Variants in ADAMTSL3 observed in about 807,000 individuals in gnomAD.
ADAMTSL3 encodes ADAMTS-like protein 3.
In ADAMTSL3, 128 loss-of-function variants were observed where a neutral mutation model predicts 201.7. That is an observed-to-expected ratio of 0.63 (90% CI 0.55 to 0.73). The LOEUF is 0.73. Ranked by LOEUF, ADAMTSL3 falls within the 30% of genes least tolerant of loss-of-function variation. The pLI is 0.00. For synonymous variants in ADAMTSL3, 738 were observed against 748.4 expected, an observed-to-expected ratio of 0.99 and a Z score of 0.23; for missense variants, 1,990 against 2,119.6, an observed-to-expected ratio of 0.94 and a Z score of 1.20.
At chr15:83,992,778 A>G (rs955540089) in intron 23 of ADAMTSL3, among the ~76,000 whole-genome samples, 1 of 152,186 alleles carries the variant, frequency 6.6e-6, no homozygotes, top group Non-Finnish European at 1.5e-5. Context: ...AAACTCATCT[A>G]GTTTTATTCT....
At chr15:84,032,585 G>T (rs934791559) in intron 28 of ADAMTSL3, among the ~76,000 whole-genome samples, 3 of 152,022 alleles carry the variant, frequency 2.0e-5, no homozygotes, top group Non-Finnish European at 4.4e-5. Context: ...ATACATACAT[G>T]GGTCACATAC....
At chr15:83,688,054 C>T (rs967294405) in intron 2 of ADAMTSL3, among the ~76,000 whole-genome samples, 25 of 152,054 alleles carry the variant, frequency 1.6e-4, no homozygotes, top group Middle Eastern at 3.2e-3. Context: ...GAAGCCTTAA[C>T]GTTCAAACAA....
chr15:83,798,029 A>G (rs1023595858), intron 4 of ADAMTSL3, among the ~76,000 whole-genome samples: 3 of 152,236 alleles, frequency 2.0e-5, no homozygotes, highest in Admixed American at 2.0e-4. Flanking sequence ...GGATTCCTAC[A>G]GATCTCTAAA....
chr15:83,967,549 A>G (rs1357194238), intron 19 of ADAMTSL3, among the ~76,000 whole-genome samples: 1 of 152,224 alleles, frequency 6.6e-6, no homozygotes, highest in Non-Finnish European at 1.5e-5. Flanking sequence ...AAACAAATGG[A>G]AAAACATTCC....
intron 17 of ADAMTSL3, among the ~76,000 whole-genome samples, chr15:83,932,939 A>G (rs991442680): frequency 3.3e-5 from 5 of 152,262 alleles, no homozygotes; most frequent in African/African-American, 1.2e-4. Flanking sequence ...ATGTTTACAT[A>G]TATAAAACAG....
intron 11 of ADAMTSL3, 126 bp from the exon 12 acceptor site, chr15:83,891,203 C>G (rs1449750812): frequency 1.3e-6 from 1 of 772,048 alleles, no homozygotes; most frequent in African/African-American, 1.8e-5. Flanking sequence ...GTTGATAACA[C>G]TTGATATTTT....
At chr15:83,860,328 T>C (rs2064828470) in intron 8 of ADAMTSL3, among the ~76,000 whole-genome samples, 1 of 152,206 alleles carries the variant, frequency 6.6e-6, no homozygotes, top group Non-Finnish European at 1.5e-5. Context: ...TCAGTGAATA[T>C]GGCCGATCAG....
chr15:84,007,716 A>C (rs1296381059), intron 23 of ADAMTSL3, among the ~76,000 whole-genome samples: 1 of 152,180 alleles, frequency 6.6e-6, no homozygotes, highest in Non-Finnish European at 1.5e-5. Context: ...CCATTAGAGG[A>C]TTCTAAGCAA....
At chr15:83,994,277 G>A (rs1039610630) in intron 23 of ADAMTSL3, among the ~76,000 whole-genome samples, 4 of 152,232 alleles carry the variant, frequency 2.6e-5, no homozygotes, top group Non-Finnish European at 4.4e-5. Flanking sequence ...AATGCTATTA[G>A]AGGACACTGG....
intron 3 of ADAMTSL3, among the ~76,000 whole-genome samples, chr15:83,748,685 A>AC (rs1301478303): frequency 6.6e-6 from 1 of 151,462 alleles, no homozygotes; most frequent in Admixed American, 6.6e-5. Context: ...CCACACACAC[A>AC]AAGAAGCAAG....
intron 3 of ADAMTSL3, among the ~76,000 whole-genome samples, chr15:83,754,560 C>G (rs1261149044): frequency 2.0e-5 from 3 of 152,160 alleles, no homozygotes; most frequent in Admixed American, 6.5e-5. Context: ...AAGAAAACTA[C>G]AAAGCACCCT....
chr15:83,865,903 A>G (rs989334781), intron 8 of ADAMTSL3, among the ~76,000 whole-genome samples: 1 of 152,232 alleles, frequency 6.6e-6, no homozygotes, highest in Admixed American at 6.5e-5. Context: ...CAATGAACTC[A>G]AACAAATTTA....
intron 3 of ADAMTSL3, among the ~76,000 whole-genome samples, chr15:83,731,163 T>C (rs1053839310): frequency 4.6e-5 from 7 of 152,120 alleles, no homozygotes; most frequent in African/African-American, 1.7e-4. Context: ...CCATACTGTT[T>C]TGATTACTGT....
chr15:83,947,772 C>G lies in ADAMTSL3; in HGVS notation c.2490+4690C>G, dbSNP rs559122997. On this transcript the variant is annotated intron_variant, in intron 19 of 29. Transcript: ENST00000286744. ...CCTTTTCCATTGCTACACTTTTCCA[C>G]TGTGGTTGATTCTGTGTCCTGAATT... is the stretch of plus-strand genomic sequence containing the variant. 9.2e-5 allele frequency among the ~76,000 whole-genome samples: 14 copies of G among 152,322 alleles called. No homozygotes were observed. In the South Asian group the frequency reaches 2.7e-3, roughly 29 times the overall value.
intron 16 of ADAMTSL3, among the ~76,000 whole-genome samples, chr15:83,921,425 A>G (rs962707659): frequency 6.6e-6 from 1 of 152,104 alleles, no homozygotes; most frequent in Non-Finnish European, 1.5e-5. Context: ...TTATTTTACA[A>G]CTTGGCATAT....
At chr15:83,883,766 A>G (rs539189536) in intron 9 of ADAMTSL3, among the ~76,000 whole-genome samples, 1 of 151,286 alleles carries the variant, frequency 6.6e-6, no homozygotes, top group Admixed American at 6.6e-5. Flanking sequence ...GGATCTTGCT[A>G]TGTTGACCAG....
At chr15:83,674,621 A>G (rs1281764654) in intron 2 of ADAMTSL3, among the ~76,000 whole-genome samples, 4 of 150,352 alleles carry the variant, frequency 2.7e-5, no homozygotes, top group African/African-American at 9.7e-5. Flanking sequence ...TTGCTTGTCT[A>G]TATATAAACA....
At chr15:83,978,226 C>G (rs1440503308) in intron 20 of ADAMTSL3, among the ~76,000 whole-genome samples, 1 of 152,202 alleles carries the variant, frequency 6.6e-6, no homozygotes, top group Non-Finnish European at 1.5e-5. Context: ...AAGGCAGGAC[C>G]CAGTAAGCAA....
At chr15:83,988,540 C>A in intron 21 of ADAMTSL3, 151 bp from the exon 22 acceptor site, 1 of 539,412 alleles carries the variant, frequency 1.9e-6, no homozygotes, top group Non-Finnish European at 3.0e-6. Context: ...TAGTTCTCTG[C>A]TTATAGGCAG....
Sources: allele counts gnomAD v4.1 joint callset (sites outside exome capture counted in the v4.1 genomes callset), GRCh38; gene constraint gnomAD v4.1.1; transcripts MANE v1.5; gene names NCBI Gene and HGNC (gene_info 2026-07-23, HGNC 2026-07-21).